The following ZBTB37 variants were observed in gnomAD, a reference collection of about 807,000 sequenced individuals.
ZBTB37 encodes the protein zinc finger and BTB domain containing 37.
In ZBTB37, 15 loss-of-function variants were observed where a neutral mutation model predicts 37.7. That is an observed-to-expected ratio of 0.40 (90% CI 0.27 to 0.61). ZBTB37 has a LOEUF of 0.61. Ranked by LOEUF, ZBTB37 falls within the 20% of genes least tolerant of loss-of-function variation. The pLI is 0.44. For missense variants in ZBTB37, 514 were observed against 641.9 expected, an observed-to-expected ratio of 0.80 and a Z score of 2.15; for synonymous variants, 231 against 220.6, an observed-to-expected ratio of 1.05 and a Z score of -0.42.
At chr1:173,874,913 A>T (rs9661233) in intron 4 of ZBTB37, among the ~76,000 whole-genome samples, 71,948 of 151,670 alleles carry the variant, frequency 0.47, 20,062 homozygotes, top group African/African-American at 0.77. Context: ...CTTTTTTTTT[A>T]AAATTCTTGC....
intron 4 of ZBTB37, among the ~76,000 whole-genome samples, chr1:173,881,851 A>G (rs977584556): frequency 6.6e-6 from 1 of 152,058 alleles, no homozygotes; most frequent in Non-Finnish European, 1.5e-5. Flanking sequence ...TCAGGAGATC[A>G]AGACCATCCT....
chr1:173,883,879 T>C (rs1245690863), intron 4 of ZBTB37, among the ~76,000 whole-genome samples: 1 of 152,188 alleles, frequency 6.6e-6, no homozygotes, highest in Non-Finnish European at 1.5e-5. Context: ...ATAGTGTCTA[T>C]CTTAGGGGAA....
Position 173,885,626 on chromosome 1 carries a change from C to T in ZBTB37, c.1024-10C>T. ...TGTTCTTTCTTGGTTATTTTCCTTACCTGGTACAGGTAGAAGAGTCAGCAA... is the reference window on the plus strand; with the variant it reads ...TGTTCTTTCTTGGTTATTTTCCTTATCTGGTACAGGTAGAAGAGTCAGCAA... On this transcript the variant is annotated splice_polypyrimidine_tract_variant and intron_variant, in intron 4 of 4. Transcript: ENST00000427304. 1 of 1,538,256 alleles carries T rather than the reference C, an allele frequency of 6.5e-7. No homozygotes were observed. The highest frequency in any genetic ancestry group is 1.2e-5 in the South Asian group (1 of 82,728).
downstream of ZBTB37, chr1:173,891,520 A>G (rs182828227): frequency 2.0e-5 from 3 of 152,306 alleles, no homozygotes; most frequent in African/African-American, 7.2e-5. Flanking sequence ...TCTTCTAAAT[A>G]CATATTGGAC....
intron 4 of ZBTB37, among the ~76,000 whole-genome samples, chr1:173,874,151 A>G (rs1283516395): frequency 1.3e-5 from 2 of 150,036 alleles, no homozygotes; most frequent in Admixed American, 6.7e-5. Context: ...ACTACTCCAG[A>G]GGCTGAGGCA....
intron 4 of ZBTB37, among the ~76,000 whole-genome samples, chr1:173,885,078 A>G (rs1458753653): frequency 6.6e-6 from 1 of 152,162 alleles, no homozygotes; most frequent in Non-Finnish European, 1.5e-5. Flanking sequence ...TGCAAAAAGT[A>G]CAAAAATTAT....
downstream of ZBTB37, chr1:173,888,454 T>A (rs1398000327): frequency 6.7e-6 from 1 of 149,192 alleles, no homozygotes; most frequent in African/African-American, 2.6e-5. Flanking sequence ...AGAGACTGTG[T>A]CTTCCTCTTG....
chr1:173,897,268 G>T (rs1311861838), exon 4 of ZBTB37: 3 of 152,140 alleles, frequency 2.0e-5, no homozygotes, highest in Admixed American at 1.3e-4. Context: ...CAAATTCTTG[G>T]CATAGTAGGC....
chr1:173,877,373 CTTTTTTTT>C (rs58043559), intron 4 of ZBTB37, among the ~76,000 whole-genome samples: 14 of 87,780 alleles, frequency 1.6e-4, no homozygotes, highest in Admixed American at 3.0e-4. Context: ...GATTTTCTTT[CTTTTTTTT>C]TTTTTTTTTT....
At chr1:173,870,384 C>T in exon 3 of ZBTB37, 1 of 1,614,154 alleles carries the variant, frequency 6.2e-7, no homozygotes, top group Non-Finnish European at 8.5e-7. Context: ...TGGCTGCCAG[C>T]TCCCCCTATT....
downstream of ZBTB37, chr1:173,887,645 A>G (rs1447926806): frequency 2.6e-5 from 4 of 152,244 alleles, no homozygotes; most frequent in African/African-American, 9.6e-5. Flanking sequence ...CGGCAAATAG[A>G]TGCTTATAAC....
intron 4 of ZBTB37, among the ~76,000 whole-genome samples, chr1:173,879,305 T>G (rs1341944107): frequency 6.6e-6 from 1 of 151,846 alleles, no homozygotes; most frequent in African/African-American, 2.4e-5. Context: ...GGGATGGGGG[T>G]TTCCTAGCTT....
exon 5 of ZBTB37, chr1:173,886,025 A>G (rs1374361238): frequency 2.6e-6 from 4 of 1,551,638 alleles, no homozygotes; most frequent in Non-Finnish European, 3.5e-6. Flanking sequence ...CAACTGTCAC[A>G]TCTCGAGGAC....
In ZBTB37 at chr1:173,873,787, A is replaced by G. The variant is rs1572052881; in HGVS notation, c.1023+221A>G. ...GCAGACTGGTATTTCTACCAAGCATAGATGCAAATATTTTGAAAAGAACAT... is the reference window on the plus strand; with the variant it reads ...GCAGACTGGTATTTCTACCAAGCATGGATGCAAATATTTTGAAAAGAACAT... On this transcript the variant is annotated intron_variant, in intron 4 of 4. Transcript: ENST00000427304. 8.0e-6 allele frequency: 5 copies of G among 623,014 alleles called. No individual in the cohort carries two copies. In the East Asian group the frequency reaches 1.6e-4, roughly 20 times the overall value. The allele number at this position is 623,014 out of a possible 1,614,324, so 38.6% of individuals were successfully genotyped here. A position where few individuals can be genotyped will look rare whatever the true frequency, so the allele number is the denominator to read the frequency against.
exon 4 of ZBTB37, chr1:173,896,460 C>G (rs1657051754): frequency 6.6e-6 from 1 of 152,124 alleles, no homozygotes. Context: ...GCCCTTTGGG[C>G]CCTCCTATAG....
At chr1:173,888,598 T>A (rs2102754751), downstream of ZBTB37, 1 of 151,824 alleles carries the variant, frequency 6.6e-6, no homozygotes, top group African/African-American at 2.4e-5. Context: ...AGCTAATTTT[T>A]AAATTTTTTT....
intron 4 of ZBTB37, 182 bp downstream of exon 4, chr1:173,873,748 C>G: frequency 9.4e-7 from 1 of 1,061,722 alleles, no homozygotes; most frequent in Non-Finnish European, 1.3e-6. Flanking sequence ...GAGACATCAC[C>G]AGAAAGGAAA....
chr1:173,871,124 G>A lies in ZBTB37; in HGVS notation c.899G>A (p.Arg300Gln), dbSNP rs145052217. The A allele has an allele frequency of 2.2e-5, 36 of 1,607,752 alleles. No homozygotes were observed. Among genetic ancestry groups the A allele is most frequent in the African/African-American group, 6.7e-5 (5 of 74,816 alleles). Reference sequence around the variant, plus strand: ...GGGTCTTCAGGAGCCAAGGTGGCTCGGCCAACAAGCAGTGAAGTTGACAGG... The same window carrying A: ...GGGTCTTCAGGAGCCAAGGTGGCTCAGCCAACAAGCAGTGAAGTTGACAGG... The change falls in exon 3 of 5, where the codon CGG becomes CAG. Residue 300 changes from arginine (R) to glutamine (Q), a missense_variant. Arg to Gln is a conservative substitution (Grantham distance 43, BLOSUM62 1). Transcript: ENST00000427304.
exon 3 of ZBTB37, chr1:173,870,974 TGGA>T: frequency 6.2e-7 from 1 of 1,614,180 alleles, no homozygotes; most frequent in South Asian, 1.1e-5. Flanking sequence ...ACTGAAAATC[TGGA>T]GGAGTGGCTT....
Sources: allele counts gnomAD v4.1 joint callset (sites outside exome capture counted in the v4.1 genomes callset), GRCh38; gene constraint gnomAD v4.1.1; transcripts MANE v1.5; gene names NCBI Gene and HGNC (gene_info 2026-07-23, HGNC 2026-07-21).